ELF2: variants seen among roughly 807,000 people sequenced by gnomAD.
ELF2 encodes ETS-related transcription factor Elf-2.
ELF2 carries 11 observed loss-of-function variants against 54.8 expected under a neutral mutation model. The observed-to-expected ratio is 0.20, with a 90% confidence interval of 0.13 to 0.33. ELF2 has a LOEUF of 0.33. Ranked by LOEUF, ELF2 falls within the 10% of genes least tolerant of loss-of-function variation. ELF2 has a pLI of 1.00. For missense variants in ELF2, 513 were observed against 703.0 expected (o/e 0.73, Z 3.06); for synonymous variants, 203 against 245.1 (o/e 0.83, Z 1.61).
At chr4:139,102,905 T>C (rs1222166673) in intron 4 of ELF2, among the ~76,000 whole-genome samples, 2 of 151,630 alleles carry the variant, frequency 1.3e-5, no homozygotes, top group Non-Finnish European at 2.9e-5. Flanking sequence ...TTTTCCCCCC[T>C]GAGACAGGGT....
In ELF2 at chr4:139,170,692, AAAC is replaced by A. The variant is rs767459510; in HGVS notation, c.-252+6272_-252+6274del. 1.7e-4 allele frequency among the ~76,000 whole-genome samples: 25 copies of A among 145,164 alleles called. No homozygotes were observed. In the South Asian group the frequency reaches 3.7e-3, roughly 21 times the overall value. ...AAAACTTCTTATAACTCAATAAGTC[AAAC>A]AACCCAATTATATTACATTACATTA... On this transcript the variant is annotated intron_variant, in intron 1 of 9. Transcript: ENST00000686138.
At chr4:139,123,455 G>A (rs922319668) in intron 4 of ELF2, among the ~76,000 whole-genome samples, 1 of 151,986 alleles carries the variant, frequency 6.6e-6, no homozygotes, top group Admixed American at 6.6e-5. Flanking sequence ...AGTTCAAGAA[G>A]ACTAAGAAAA....
chr4:139,120,259 A>G (rs113411228), intron 4 of ELF2, among the ~76,000 whole-genome samples: 1 of 125,812 alleles, frequency 7.9e-6, no homozygotes, highest in South Asian at 2.1e-4. Flanking sequence ...CTCTCCCCTT[A>G]TATGTCATGT....
intron 4 of ELF2, among the ~76,000 whole-genome samples, chr4:139,087,009 A>G (rs1732052284): frequency 1.3e-5 from 2 of 152,302 alleles, no homozygotes; most frequent in South Asian, 4.1e-4. Flanking sequence ...CTTCTGTCAT[A>G]TGTACAATAG....
chr4:139,092,765 C>A (rs745569025), intron 4 of ELF2, among the ~76,000 whole-genome samples: 1 of 151,196 alleles, frequency 6.6e-6, no homozygotes, highest in East Asian at 2.0e-4. Context: ...CACGCCACTG[C>A]ACTACAGCCT....
At chr4:139,135,011 A>G (rs1737983847) in intron 3 of ELF2, among the ~76,000 whole-genome samples, 1 of 152,080 alleles carries the variant, frequency 6.6e-6, no homozygotes, top group African/African-American at 2.4e-5. Context: ...ATTTTCAGAA[A>G]TAGAATAATC....
chr4:139,075,104 A>AT (rs1730103020), intron 4 of ELF2, among the ~76,000 whole-genome samples: 1 of 152,172 alleles, frequency 6.6e-6, no homozygotes, highest in South Asian at 2.1e-4. Flanking sequence ...TATTCTTCCC[A>AT]TGAGGCCTTC....
Position 139,058,921 on chromosome 4 carries a change from C to T in ELF2, c.*62G>A, listed in dbSNP as rs1404623664. On this transcript the variant is annotated 3_prime_UTR_variant, in exon 10 of 10. Transcript: ENST00000686138. The stretch of plus-strand genomic sequence containing the variant: ...TCTTTGACTTTTCTTGATGACTTCC[C>T]TTGCAAATGTTTATGTCAGTACTGC... 21 of 1,509,592 alleles carry T rather than the reference C, an allele frequency of 1.4e-5. No individual in the cohort carries two copies. Among genetic ancestry groups the T allele is most frequent in the South Asian group, 2.8e-5 (2 of 72,306 alleles). 93.5% of individuals were successfully genotyped at this position (1,509,592 alleles called of 1,614,324 possible).
At chr4:139,093,192 C>A (rs1732869890) in intron 4 of ELF2, among the ~76,000 whole-genome samples, 1 of 151,980 alleles carries the variant, frequency 6.6e-6, no homozygotes, top group African/African-American at 2.4e-5. Flanking sequence ...GTTTCGATCT[C>A]CTGACCTCGT....
At chr4:139,134,050 C>A (rs931126222) in intron 3 of ELF2, among the ~76,000 whole-genome samples, 1 of 152,178 alleles carries the variant, frequency 6.6e-6, no homozygotes, top group South Asian at 2.1e-4. Flanking sequence ...TTAGGGCAGA[C>A]AACCTTGCCT....
At chr4:139,169,643 G>A (rs568587509) in intron 1 of ELF2, among the ~76,000 whole-genome samples, 40 of 152,218 alleles carry the variant, frequency 2.6e-4, no homozygotes, top group African/African-American at 9.6e-4. Flanking sequence ...GGATCACGAG[G>A]TCAGGAGATC....
chr4:139,091,155 G>A lies in ELF2; in HGVS notation c.239-17588C>T, dbSNP rs541420648. Among the ~76,000 whole-genome samples, 8 of 152,156 alleles carry A rather than the reference G, an allele frequency of 5.3e-5. No individual in the cohort carries two copies. The East Asian group carries it at 1.4e-3, about 26-fold the overall frequency. On this transcript the variant is annotated intron_variant, in intron 4 of 9. Coordinates refer to ENST00000686138, the MANE Select transcript of ELF2 (RefSeq NM_001331036.3). Reference sequence around the variant, plus strand: ...TCACCATGTTAGCCAGGATGGTCTCGATCTGACCTCGTGATCCGCCTGGCT... The same window carrying A: ...TCACCATGTTAGCCAGGATGGTCTCAATCTGACCTCGTGATCCGCCTGGCT...
chr4:139,061,803 C>T (rs1727901220), intron 8 of ELF2, 62 bp downstream of exon 8: 1 of 1,576,260 alleles, frequency 6.3e-7, no homozygotes, highest in African/African-American at 1.4e-5. Context: ...CTTTAAACAG[C>T]TAATAGACAT....
chr4:139,165,398 T>G (rs1014917210), intron 1 of ELF2, among the ~76,000 whole-genome samples: 5 of 152,210 alleles, frequency 3.3e-5, no homozygotes, highest in African/African-American at 1.2e-4. Context: ...GAGCGGTGGC[T>G]CATGCCTGTA....
intron 1 of ELF2, among the ~76,000 whole-genome samples, chr4:139,154,703 T>C (rs114092375): frequency 4.6e-4 from 70 of 152,048 alleles, no homozygotes; most frequent in African/African-American, 1.6e-3. Context: ...TGATAGCTTA[T>C]CTTCATGAGT....
chr4:139,144,322 G>A (rs1191513037), intron 1 of ELF2, among the ~76,000 whole-genome samples: 2 of 152,172 alleles, frequency 1.3e-5, no homozygotes, highest in Non-Finnish European at 2.9e-5. Flanking sequence ...ACCAGGGGCG[G>A]GAAGAGCCTT....
chr4:139,115,520 G>T, intron 4 of ELF2: 1 of 410,106 alleles, frequency 2.4e-6, no homozygotes, highest in Non-Finnish European at 3.3e-6. Flanking sequence ...GAGCCCCCGG[G>T]CCTGGCCTGG....
chr4:139,172,037 C>T lies in ELF2; in HGVS notation c.-252+4930G>A, dbSNP rs1254432510. On this transcript the variant is annotated intron_variant, in intron 1 of 9. Coordinates refer to ENST00000686138, the MANE Select transcript of ELF2 (RefSeq NM_001331036.3). The stretch of plus-strand genomic sequence containing the variant: ...AAACATTGCTGTTAGCAATATAAGA[C>T]GTTATGGCCACTTTGGGAAAACAGT... Among the ~76,000 whole-genome samples the T allele has an allele frequency of 4.6e-5, 7 of 152,268 alleles. 1 individual carries two copies. In the South Asian group the frequency reaches 8.3e-4, roughly 18 times the overall value.
intron 1 of ELF2, among the ~76,000 whole-genome samples, chr4:139,144,898 T>C (rs1485897358): frequency 1.3e-5 from 2 of 152,132 alleles, no homozygotes; most frequent in Admixed American, 1.3e-4. Flanking sequence ...GCTTTGACCC[T>C]CCACCTGCCC....
Sources: gnomAD v4.1 joint callset for allele counts (sites outside exome capture counted in the v4.1 genomes callset) on GRCh38, gnomAD v4.1.1 for gene constraint, MANE v1.5 for transcripts, NCBI Gene and HGNC (gene_info 2026-07-23, HGNC 2026-07-21) for gene names.